Variants in MCPH1 observed in about 807,000 individuals in gnomAD.
MCPH1 encodes the protein microcephalin 1, also known as microcephalin.
A neutral mutation model predicts 84.5 loss-of-function variants in MCPH1; 104 were observed. The observed-to-expected ratio is 1.23, with a 90% CI of 1.05 to 1.45. The LOEUF (loss-of-function observed/expected upper bound fraction) is 1.45, where lower values mean the gene tolerates loss of function less well. Ranked by LOEUF, MCPH1 falls within the 40% of genes most tolerant of loss-of-function variation. The pLI, the probability that MCPH1 is intolerant of heterozygous loss-of-function variation, is 0.00. For synonymous variants in MCPH1, 514 were observed against 366.8 expected, an observed-to-expected ratio of 1.40 and a Z score of -4.58; for missense variants, 1,498 against 1,005.7, an observed-to-expected ratio of 1.49 and a Z score of -6.62.
chr8:6,557,685 G>A (rs74417083), intron 12 of MCPH1, among the ~76,000 whole-genome samples: 18,011 of 91,712 alleles, frequency 0.2, 1,234 homozygotes, highest in South Asian at 0.34. Flanking sequence ...ATATATGTGT[G>A]TGTACACACA....
At chr8:6,531,453 T>C (rs1178810474) in intron 12 of MCPH1, among the ~76,000 whole-genome samples, 1 of 152,046 alleles carries the variant, frequency 6.6e-6, no homozygotes, top group East Asian at 1.9e-4. Context: ...CACACCTGGC[T>C]AATTTGTTTG....
intron 12 of MCPH1, chr8:6,503,197 G>A (rs1812546899): frequency 6.2e-7 from 1 of 1,614,146 alleles, no homozygotes; most frequent in Non-Finnish European, 8.5e-7. Flanking sequence ...ACTTATTTGT[G>A]TTCTGCCTCT....
intron 8 of MCPH1, among the ~76,000 whole-genome samples, chr8:6,451,559 AGTG>A (rs1282900617): frequency 4.1e-5 from 3 of 72,612 alleles, no homozygotes; most frequent in Non-Finnish European, 1.4e-4. Context: ...TCTATTGAAG[AGTG>A]TTGTTTTTGT....
intron 2 of MCPH1, among the ~76,000 whole-genome samples, chr8:6,413,077 C>A (rs147245595): frequency 3.3e-5 from 5 of 152,276 alleles, no homozygotes; most frequent in African/African-American, 7.2e-5. Context: ...AGTTCTGCTT[C>A]TGGAAAGGAT....
chr8:6,592,916 C>G (rs1474183172), intron 12 of MCPH1, among the ~76,000 whole-genome samples: 1 of 151,078 alleles, frequency 6.6e-6, no homozygotes, highest in Non-Finnish European at 1.5e-5. Flanking sequence ...ATTTGCCTGC[C>G]TTGTCCTCCC....
At chr8:6,412,775 T>C (rs1798722286) in intron 2 of MCPH1, among the ~76,000 whole-genome samples, 1 of 152,218 alleles carries the variant, frequency 6.6e-6, no homozygotes, top group Non-Finnish European at 1.5e-5. Context: ...CCGGTAATTC[T>C]TAATTGCCTT....
At chr8:6,455,297 A>T (rs1315955096) in intron 9 of MCPH1, 45 bp downstream of exon 9, 1 of 1,295,130 alleles carries the variant, frequency 7.7e-7, no homozygotes, top group East Asian at 2.3e-5. Context: ...ATGCTGATAC[A>T]TCATAATGTT....
chr8:6,602,348 G>C (rs1350835763), intron 12 of MCPH1, among the ~76,000 whole-genome samples: 1 of 152,212 alleles, frequency 6.6e-6, no homozygotes, highest in Non-Finnish European at 1.5e-5. Flanking sequence ...GACATGGAGG[G>C]AAATGAAGGT....
intron 12 of MCPH1, among the ~76,000 whole-genome samples, chr8:6,602,546 GCT>G (rs1829455677): frequency 6.6e-6 from 1 of 152,058 alleles, no homozygotes; most frequent in African/African-American, 2.4e-5. Flanking sequence ...GCTGGGCTGT[GCT>G]CTCCCACTCA....
At chr8:6,615,355 C>G (rs779931722) in intron 12 of MCPH1, among the ~76,000 whole-genome samples, 13 of 152,216 alleles carry the variant, frequency 8.5e-5, no homozygotes, top group Admixed American at 3.9e-4. Context: ...GAAGCAAAGA[C>G]CATGTCCCTG....
At chr8:6,516,040 C>G (rs1322605874) in intron 12 of MCPH1, among the ~76,000 whole-genome samples, 2 of 152,190 alleles carry the variant, frequency 1.3e-5, no homozygotes, top group African/African-American at 4.8e-5. Flanking sequence ...CAGCATGGTT[C>G]TGGTCTCTCT....
intron 12 of MCPH1, among the ~76,000 whole-genome samples, chr8:6,569,410 C>G (rs1367944703): frequency 6.6e-6 from 1 of 152,200 alleles, no homozygotes; most frequent in South Asian, 2.1e-4. Flanking sequence ...CAACCATTTC[C>G]ATTCCCCAGT....
intron 12 of MCPH1, among the ~76,000 whole-genome samples, chr8:6,506,772 G>A (rs1813807778): frequency 1.3e-5 from 2 of 151,170 alleles, no homozygotes; most frequent in Admixed American, 1.3e-4. Flanking sequence ...AGGAACCAGA[G>A]GATTGCTTTT....
At chr8:6,449,215 A>G (rs1804781810) in intron 8 of MCPH1, among the ~76,000 whole-genome samples, 1 of 152,230 alleles carries the variant, frequency 6.6e-6, no homozygotes, top group African/African-American at 2.4e-5. Context: ...GAAGACGCTG[A>G]TGGAATTCTC....
chr8:6,421,387 A>C (rs894888), intron 3 of MCPH1, among the ~76,000 whole-genome samples: 2 of 151,898 alleles, frequency 1.3e-5, no homozygotes, highest in Non-Finnish European at 2.9e-5. Context: ...AACTACCTGT[A>C]ATACTTCAAC....
At chr8:6,614,060 C>A (rs143085416) in intron 12 of MCPH1, among the ~76,000 whole-genome samples, 1 of 152,168 alleles carries the variant, frequency 6.6e-6, no homozygotes, top group Non-Finnish European at 1.5e-5. Flanking sequence ...TTAATGCCGA[C>A]TTTGATGGGC....
At chr8:6,424,603 G>T (rs1296398379) in intron 3 of MCPH1, among the ~76,000 whole-genome samples, 1 of 152,218 alleles carries the variant, frequency 6.6e-6, no homozygotes, top group Non-Finnish European at 1.5e-5. Flanking sequence ...ACTGACCAGT[G>T]ATAGGAACGT....
chr8:6,627,943 TA>T (rs939414454), intron 13 of MCPH1, among the ~76,000 whole-genome samples: 2 of 151,738 alleles, frequency 1.3e-5, no homozygotes, highest in Non-Finnish European at 2.9e-5. Context: ...TAGTGGGTTT[TA>T]AAAAAAATTA....
intron 8 of MCPH1, among the ~76,000 whole-genome samples, chr8:6,451,773 A>T (rs959266052): frequency 6.6e-6 from 1 of 152,196 alleles, no homozygotes; most frequent in Non-Finnish European, 1.5e-5. Flanking sequence ...AAATAATTTC[A>T]TATTCAAATT....
Sources: gnomAD v4.1 joint callset for allele counts (sites outside exome capture counted in the v4.1 genomes callset) on GRCh38, gnomAD v4.1.1 for gene constraint, MANE v1.5 for transcripts, NCBI Gene and HGNC (gene_info 2026-07-23, HGNC 2026-07-21) for gene names.